The following STX7 variants were observed in gnomAD, a reference collection of about 807,000 sequenced individuals.
The protein encoded by STX7 is syntaxin 7.
STX7 carries 34 observed loss-of-function variants against 39.6 expected under a neutral mutation model. That is an observed-to-expected ratio of 0.86 (90% CI 0.65 to 1.14). STX7 has a LOEUF of 1.14. Among genes scored for constraint, STX7 ranks in the 50% most tolerant of loss-of-function variants. The probability of loss-of-function intolerance (pLI) is 0.00; values close to 1 mark genes in which losing one functional copy is unlikely to be tolerated. For missense variants in STX7, 284 were observed against 310.4 expected (o/e 0.92, Z 0.64); for synonymous variants, 119 against 99.1 (o/e 1.20, Z -1.19).
rs1775628710 is a variant in STX7 at position 132,503,506 on chromosome 6, C to G, written c.25G>C (p.Gly9Arg). 1 of 1,614,072 alleles carries G rather than the reference C, an allele frequency of 6.2e-7. No homozygotes were observed. Among genetic ancestry groups the G allele is most frequent in the Non-Finnish European group, 8.5e-7 (1 of 1,179,946 alleles). Residue 9 changes from glycine to arginine, a missense_variant, in exon 2 of 10, where the codon GGT (glycine) becomes CGT (arginine). Physicochemically the swap from Gly to Arg is moderately radical, Grantham distance 125. Transcript: ENST00000367941. ...CTCTGGGCCAACTGGGCGGGGTCAC[C>G]ACCAACTCCTGGAGTGTAAGACATG... MSYTPGVG[G>R]DPAQLAQRIS...
At chr6:132,507,118 G>C (rs1372280292) in intron 1 of STX7, among the ~76,000 whole-genome samples, 1 of 152,188 alleles carries the variant, frequency 6.6e-6, no homozygotes, top group Non-Finnish European at 1.5e-5. Context: ...CATGGACAGA[G>C]AGTGGAATAA....
In STX7 at chr6:132,458,460, C is replaced by A. The variant is rs1774302711; in HGVS notation, c.*2298G>T. Reference sequence around the variant, plus strand: ...CCACATTGTCGTTCAATTTACCTGGCTGGTTAATATCAGTCTGTGTTTGAG... The same window carrying A: ...CCACATTGTCGTTCAATTTACCTGGATGGTTAATATCAGTCTGTGTTTGAG... On this transcript the variant is annotated 3_prime_UTR_variant, in exon 10 of 10. Transcript: ENST00000367941. 1 of 152,202 alleles carries A rather than the reference C, an allele frequency of 6.6e-6. No individual in the cohort carries two copies. Among genetic ancestry groups the A allele is most frequent in the Admixed American group, 6.5e-5 (1 of 15,274 alleles). The allele number at this position is 152,202 out of a possible 1,614,324, so 9.4% of individuals were successfully genotyped here.
rs1774050296 is a variant in STX7 at position 132,447,818 on chromosome 6, ACTTTT to A, written c.*12935_*12939del. On this transcript the variant is annotated 3_prime_UTR_variant, in exon 10 of 10. Coordinates refer to ENST00000367941, the MANE Select transcript of STX7 (RefSeq NM_003569.3). ...AAACTGTATATATTGAACAAGGTAG[ACTTTT>A]TTTTTTATTAATCTGGTGAGATAGG... is the stretch of plus-strand genomic sequence containing the variant. 1.3e-5 allele frequency: 2 copies of A among 151,108 alleles called. No homozygotes were observed. Among genetic ancestry groups the A allele is most frequent in the South Asian group, 4.2e-4 (2 of 4,798 alleles). The allele number at this position is 151,108 out of a possible 1,614,324, so 9.4% of individuals were successfully genotyped here.
intron 2 of STX7, among the ~76,000 whole-genome samples, chr6:132,484,255 T>C (rs941615295): frequency 2.0e-5 from 3 of 152,180 alleles, no homozygotes; most frequent in African/African-American, 7.2e-5. Context: ...CCGAAAAAGA[T>C]GCACTACTGG....
intron 2 of STX7, among the ~76,000 whole-genome samples, chr6:132,502,623 GGC>G (rs34200880): frequency 0.35 from 52,874 of 152,028 alleles, 9,719 homozygotes; most frequent in East Asian, 0.61. Flanking sequence ...AATTTGGCCG[GGC>G]GCGGTGGCTC....
At chr6:132,505,857 G>C (rs562800738) in intron 1 of STX7, among the ~76,000 whole-genome samples, 2 of 151,110 alleles carry the variant, frequency 1.3e-5, no homozygotes, top group Admixed American at 1.3e-4. Context: ...AAAGGGTATA[G>C]TAACTAAAAC....
Position 132,454,010 on chromosome 6 carries a change from A to G in STX7, c.*6748T>C, listed in dbSNP as rs1774192997. ...ATAGCAACTTTATTTATAGTAGCCA[A>G]AAACTGGCCCAATGTCTCTCAGCAG... is the stretch of plus-strand genomic sequence containing the variant. On this transcript the variant is annotated 3_prime_UTR_variant, in exon 10 of 10. Coordinates refer to ENST00000367941, the MANE Select transcript of STX7 (RefSeq NM_003569.3). The G allele has an allele frequency of 6.6e-6, 1 of 152,158 alleles. No individual in the cohort carries two copies. Among genetic ancestry groups the G allele is most frequent in the African/African-American group, 2.4e-5 (1 of 41,432 alleles). The allele number at this position is 152,158 out of a possible 1,614,324, so 9.4% of individuals were successfully genotyped here.
intron 2 of STX7, among the ~76,000 whole-genome samples, chr6:132,488,438 G>T (rs183255391): frequency 6.6e-6 from 1 of 152,242 alleles, no homozygotes; most frequent in African/African-American, 2.4e-5. Flanking sequence ...TCCTGATTTT[G>T]TATCTACTTG....
At chr6:132,503,205 T>C (rs908106166) in intron 2 of STX7, among the ~76,000 whole-genome samples, 3 of 152,244 alleles carry the variant, frequency 2.0e-5, no homozygotes, top group Non-Finnish European at 2.9e-5. Context: ...TAAATCTTTA[T>C]TTTATTTAAT....
intron 1 of STX7, among the ~76,000 whole-genome samples, chr6:132,508,252 C>G (rs1775756518): frequency 1.3e-5 from 2 of 152,212 alleles, no homozygotes; most frequent in African/African-American, 4.8e-5. Flanking sequence ...AAGTCAAGGA[C>G]AGTATTCTAC....
Position 132,472,852 on chromosome 6 carries a change from C to T in STX7, c.156-477G>A, listed in dbSNP as rs1008260218. ...TGTGAACATGTATATGCTATAGATA[C>T]TTAAAAAAAAGGCGGGGGGGAGGGG... On this transcript the variant is annotated intron_variant, in intron 3 of 9. Transcript: ENST00000367941. Among the ~76,000 whole-genome samples, 6 of 144,108 alleles carry T rather than the reference C, an allele frequency of 4.2e-5. No individual in the cohort carries two copies. In the Admixed American group the frequency reaches 4.3e-4, roughly 10 times the overall value. 94.5% of individuals were successfully genotyped at this position (144,108 alleles called of 152,430 possible).
chr6:132,468,882 T>C (rs1297903793), intron 7 of STX7, among the ~76,000 whole-genome samples: 4 of 152,170 alleles, frequency 2.6e-5, no homozygotes, highest in Non-Finnish European at 5.9e-5. Flanking sequence ...TACACATCAA[T>C]TTGACAATTT....
intron 2 of STX7, among the ~76,000 whole-genome samples, chr6:132,486,911 C>T (rs1961715): frequency 0.22 from 33,707 of 152,096 alleles, 4,329 homozygotes; most frequent in East Asian, 0.65. Context: ...AGGTGATTCG[C>T]CAGCCTCAGC....
chr6:132,463,905 C>G, intron 9 of STX7, 88 bp downstream of exon 9: 1 of 1,280,670 alleles, frequency 7.8e-7, no homozygotes, highest in East Asian at 2.3e-5. Flanking sequence ...CATTTTAAAC[C>G]TAATCTCTCC....
chr6:132,451,798 C>T lies in STX7; in HGVS notation c.*8960G>A, dbSNP rs867105503. 2.0e-5 allele frequency: 3 copies of T among 152,222 alleles called. No individual in the cohort carries two copies. In the Middle Eastern group the frequency reaches 0.01, roughly 518 times the overall value. The allele number at this position is 152,222 out of a possible 1,614,324, so 9.4% of individuals were successfully genotyped here. A position where few individuals can be genotyped will look rare whatever the true frequency, so the allele number is the denominator to read the frequency against. ...AAATTACAATAAAAAGAACTCCCTCCCCCAAAATCTCCAGGCCCAGATGAT... is the reference window on the plus strand; with the variant it reads ...AAATTACAATAAAAAGAACTCCCTCTCCCAAAATCTCCAGGCCCAGATGAT... On this transcript the variant is annotated 3_prime_UTR_variant, in exon 10 of 10. Transcript: ENST00000367941.
chr6:132,505,199 G>C (rs1775666930), intron 1 of STX7, among the ~76,000 whole-genome samples: 1 of 152,212 alleles, frequency 6.6e-6, no homozygotes, highest in African/African-American at 2.4e-5. Flanking sequence ...CCCACCCACA[G>C]GTGGAGGTGA....
At chr6:132,495,894 A>G (rs998456071) in intron 2 of STX7, among the ~76,000 whole-genome samples, 3 of 152,238 alleles carry the variant, frequency 2.0e-5, no homozygotes, top group Non-Finnish European at 2.9e-5. Context: ...GAAGCTAATT[A>G]TAACACAGAG....
rs1044420080 is a variant in STX7, at chr6:132,454,913, A to C, written c.*5845T>G. The C allele has an allele frequency of 1.3e-5, 2 of 152,050 alleles. No homozygotes were observed. Among genetic ancestry groups the C allele is most frequent in the Non-Finnish European group, 2.9e-5 (2 of 67,992 alleles). 9.4% of individuals were successfully genotyped at this position (152,050 alleles called of 1,614,324 possible). A position where few individuals can be genotyped will look rare whatever the true frequency, so the allele number is the denominator to read the frequency against. ...AAAATAGTACTTAAATGTTAAAACT[A>C]TGATAACCTTTATGAGGCTGAACAT... On this transcript the variant is annotated 3_prime_UTR_variant, in exon 10 of 10. Transcript: ENST00000367941.
At chr6:132,493,517 C>T (rs913128784) in intron 2 of STX7, among the ~76,000 whole-genome samples, 1 of 152,112 alleles carries the variant, frequency 6.6e-6, no homozygotes. Context: ...GGGGAGCTCC[C>T]CTGCACAAGT....
Sources: allele counts gnomAD v4.1 joint callset (sites outside exome capture counted in the v4.1 genomes callset), GRCh38; gene constraint gnomAD v4.1.1; transcripts MANE v1.5; gene names NCBI Gene and HGNC (gene_info 2026-07-23, HGNC 2026-07-21).